The following LUM variants were observed in gnomAD, a reference collection of about 807,000 sequenced individuals.
LUM encodes the protein lumican, also known as KSPG lumican.
In LUM, 13 loss-of-function variants were observed where a neutral mutation model predicts 20.5. The observed-to-expected ratio is 0.63, with a 90% confidence interval of 0.41 to 1.01. LUM has a LOEUF of 1.01. LUM is among the 50% of genes least tolerant of loss of function. LUM has a pLI of 0.00. For synonymous variants in LUM, 173 were observed against 151.5 expected (o/e 1.14, Z -1.04); for missense variants, 321 against 391.1 (o/e 0.82, Z 1.51).
At chr12:91,105,627 A>G (rs1880013308) in intron 2 of LUM, among the ~76,000 whole-genome samples, 1 of 152,230 alleles carries the variant, frequency 6.6e-6, no homozygotes, top group Non-Finnish European at 1.5e-5. Flanking sequence ...ACATAAAAAG[A>G]CAAGGAGAAT....
chr12:91,103,923 T>TA lies in LUM; in HGVS notation c.*241dup, dbSNP rs976320313. 3.5e-5 allele frequency: 12 copies of TA among 344,028 alleles called. No homozygotes were observed. Among genetic ancestry groups the TA allele is most frequent in the Middle Eastern group, 9.0e-4 (1 of 1,116 alleles). The allele number at this position is 344,028 out of a possible 1,614,324, so 21.3% of individuals were successfully genotyped here. A position where few individuals can be genotyped will look rare whatever the true frequency, so the allele number is the denominator to read the frequency against. ...TTTGCACATCATTTGACAGTAGAAA[T>TA]AAAAAAACACTAAATTTACAAATAA... On this transcript the variant is annotated 3_prime_UTR_variant, in exon 3 of 3. Transcript: ENST00000266718.
chr12:91,104,385 A>T (rs1879984477), intron 2 of LUM, 66 bp from the exon 3 acceptor site: 1 of 1,100,040 alleles, frequency 9.1e-7, no homozygotes, highest in South Asian at 1.4e-5. Flanking sequence ...AATACAAAAA[A>T]TTTATGTTTA....
intron 2 of LUM, among the ~76,000 whole-genome samples, chr12:91,106,690 T>TAAAAAAAAAAAAAAAAAAAAAAA (rs374164456): frequency 6.6e-5 from 6 of 90,602 alleles, no homozygotes; most frequent in African/African-American, 2.7e-4. Context: ...ATTTTTCTTC[T>TAAAAAAAAAAAAAAAAAAAAAAA]AAAAAAAAAA....
rs761403563 is a variant in LUM, at chr12:91,108,388, T to C, written c.592A>G (p.Arg198Gly). The C allele has an allele frequency of 6.2e-7, 1 of 1,614,196 alleles. No homozygotes were observed. The highest frequency in any genetic ancestry group is 8.5e-7 in the Non-Finnish European group (1 of 1,180,026). Residue 198 changes from arginine (R) to glycine (G), a missense_variant, in exon 2 of 3, where the codon AGA becomes GGA. Coordinates refer to ENST00000266718, the MANE Select transcript of LUM (RefSeq NM_002345.4). The surrounding 1 kb of genome is among the most constrained non-coding windows in gnomAD (Gnocchi z 4.2). ...GAGACAGGGAGACCAGAAGGCAGTC[T>C]GGCTATCTGATTGAAGCTCAAGTCA... is the stretch of plus-strand genomic sequence containing the variant. Reference protein sequence around the residue: ...YLDLSFNQIARLPSGLPVSLL... With the variant: ...YLDLSFNQIAGLPSGLPVSLL...
At position 91,108,551 on chromosome 12, in the gene LUM, C is replaced by G. The variant is rs1473070111; in HGVS notation, c.429G>C (p.Gln143His). The G allele has an allele frequency of 6.2e-7, 1 of 1,610,992 alleles. No homozygotes were observed. The highest frequency in any genetic ancestry group is 1.7e-5 in the Admixed American group (1 of 59,856). ...GCTTTGTGATCTTGTTATGAGTAAG[C>G]TGCAGATCCTCCAGAGATTTGGGAA... is the stretch of plus-strand genomic sequence containing the variant. ...GPLPKSLEDL[Q>H]LTHNKITKLG... The change falls in exon 2 of 3, where the codon CAG becomes CAC. Residue 143 changes from glutamine to histidine, a missense_variant. Coordinates refer to ENST00000266718, the MANE Select transcript of LUM (RefSeq NM_002345.4). The surrounding 1 kb of genome is among the most constrained non-coding windows in gnomAD (Gnocchi z 4.2).
chr12:91,108,485 A>C lies in LUM; in HGVS notation c.495T>G (p.His165Gln), dbSNP rs1405354136. ...CCTCTTTCAGCCGATTGTGCTGGAG[A>C]TGGATGAAGGTCAGGTTTACCAATC... is the stretch of plus-strand genomic sequence containing the variant. Reference protein sequence around the residue: ...FEGLVNLTFIHLQHNRLKEDA... With the variant: ...FEGLVNLTFIQLQHNRLKEDA... Residue 165 changes from histidine (H) to glutamine (Q), a missense_variant, in exon 2 of 3, where the codon CAT becomes CAG. Coordinates refer to ENST00000266718, the MANE Select transcript of LUM (RefSeq NM_002345.4). The surrounding 1 kb of genome is among the most constrained non-coding windows in gnomAD (Gnocchi z 4.2). 1 of 1,613,988 alleles carries C rather than the reference A, an allele frequency of 6.2e-7. No homozygotes were observed. Among genetic ancestry groups the C allele is most frequent in the Admixed American group, 1.7e-5 (1 of 60,010 alleles).
chr12:91,106,424 C>T (rs1281520243), intron 2 of LUM, among the ~76,000 whole-genome samples: 1 of 151,890 alleles, frequency 6.6e-6, no homozygotes, highest in Non-Finnish European at 1.5e-5. Context: ...TTTTTCTCTT[C>T]TACCAAGCTC....
intron 2 of LUM, among the ~76,000 whole-genome samples, chr12:91,105,875 T>C (rs2121042515): frequency 6.6e-6 from 1 of 152,330 alleles, no homozygotes; most frequent in Non-Finnish European, 1.5e-5. Context: ...CTCTTACGAA[T>C]AATCTCTACC....
At chr12:91,105,933 T>C (rs192984049) in intron 2 of LUM, among the ~76,000 whole-genome samples, 175 of 152,322 alleles carry the variant, frequency 1.1e-3, no homozygotes, top group African/African-American at 4.1e-3. Context: ...GTAAATTCCT[T>C]TAGCATTTTG....
In LUM at chr12:91,108,996, G is replaced by T; in HGVS notation, c.-17C>A. The T allele has an allele frequency of 6.2e-7, 1 of 1,602,922 alleles. No individual in the cohort carries two copies. Among genetic ancestry groups the T allele is most frequent in the South Asian group, 1.1e-5 (1 of 89,570 alleles). On this transcript the variant is annotated 5_prime_UTR_variant, in exon 2 of 3. Transcript: ENST00000266718. The surrounding 1 kb of genome is among the most constrained non-coding windows in gnomAD (Gnocchi z 4.2). Reference sequence around the variant, plus strand: ...TAGACTCATTTTTGGCAAATGGTTTGAATCCTAAATAAAGATGAAACATTT... The same window carrying T: ...TAGACTCATTTTTGGCAAATGGTTTTAATCCTAAATAAAGATGAAACATTT...
chr12:91,104,343 A>G (rs1048584956), intron 2 of LUM, 24 bp from the exon 3 acceptor site: 9 of 1,576,492 alleles, frequency 5.7e-6, no homozygotes, highest in East Asian at 2.3e-5. Flanking sequence ...AATAGAAAAC[A>G]TTAATCATTT....
At position 91,108,554 on chromosome 12, in the gene LUM, C is replaced by T. The variant is rs773762375; in HGVS notation, c.426G>A (p.Leu142=). ...TTGTGATCTTGTTATGAGTAAGCTG[C>T]AGATCCTCCAGAGATTTGGGAAGTG... ...VGPLPKSLED[L]QLTHNKITKL... The change falls in exon 2 of 3, where the codon CTG becomes CTA. Residue 142 remains leucine (L), a synonymous_variant. Transcript: ENST00000266718. This position sits in a 1 kb window ranked among gnomAD's most constrained non-coding sequence, Gnocchi z 4.2. The T allele has an allele frequency of 1.9e-6, 3 of 1,610,752 alleles. No homozygotes were observed. Among genetic ancestry groups the T allele is most frequent in the South Asian group, 2.2e-5 (2 of 90,870 alleles).
chr12:91,107,238 GGAAA>G lies in LUM; in HGVS notation c.862+876_862+879del, dbSNP rs1555188589. On this transcript the variant is annotated intron_variant, in intron 2 of 2. Transcript: ENST00000266718. ...AAGAGAGAAAGAAGAAAGAAAGAAA[GGAAA>G]GAAAGAAAGAAAGAAAGAAAGAAAG... is the stretch of plus-strand genomic sequence containing the variant. Among the ~76,000 whole-genome samples the G allele has an allele frequency of 5.6e-3, 380 of 67,294 alleles. 6 individuals are homozygous for G. Among genetic ancestry groups the G allele is most frequent in the African/African-American group, 9.6e-3 (182 of 19,034 alleles). 44.1% of individuals were successfully genotyped at this position (67,294 alleles called of 152,430 possible).
Position 91,108,353 on chromosome 12 carries a change from A to G in LUM, c.627T>C (p.Thr209=), listed in dbSNP as rs1159908603. 2 of 1,614,180 alleles carry G rather than the reference A, an allele frequency of 1.2e-6. No homozygotes were observed. The highest frequency in any genetic ancestry group is 1.7e-5 in the Admixed American group (1 of 60,024). ...TGATCTTATTGTTGTCTAAGTAGAG[A>G]GTTAGAAGAGAGACAGGGAGACCAG... ...LPSGLPVSLL[T]LYLDNNKISN... The change falls in exon 2 of 3, where the codon ACT becomes ACC. Residue 209 remains threonine, a synonymous_variant. Coordinates refer to ENST00000266718, the MANE Select transcript of LUM (RefSeq NM_002345.4). The surrounding 1 kb of genome is among the most constrained non-coding windows in gnomAD (Gnocchi z 4.2).
chr12:91,109,297 C>T (rs1435050537), intron 1 of LUM, among the ~76,000 whole-genome samples: 1 of 152,002 alleles, frequency 6.6e-6, no homozygotes, highest in East Asian at 1.9e-4. Context: ...AAATGCCTTC[C>T]TGTAAGAGGT....
At chr12:91,105,303 A>C (rs1381711733) in intron 2 of LUM, among the ~76,000 whole-genome samples, 1 of 152,202 alleles carries the variant, frequency 6.6e-6, no homozygotes, top group Non-Finnish European at 1.5e-5. Context: ...GAAATAACAC[A>C]TCTATCTTAC....
In LUM at chr12:91,108,487, G is replaced by A; in HGVS notation, c.493C>T (p.His165Tyr). ...FEGLVNLTFIHLQHNRLKEDA... is the reference protein window; with the variant it reads ...FEGLVNLTFIYLQHNRLKEDA... ...TCTTTCAGCCGATTGTGCTGGAGATGGATGAAGGTCAGGTTTACCAATCCT... is the reference window on the plus strand; with the variant it reads ...TCTTTCAGCCGATTGTGCTGGAGATAGATGAAGGTCAGGTTTACCAATCCT... The change falls in exon 2 of 3, where the codon CAT (histidine) becomes TAT (tyrosine). Residue 165 changes from histidine to tyrosine, a missense_variant. His to Tyr is a moderately conservative substitution (Grantham distance 83, BLOSUM62 2). Transcript: ENST00000266718. This position sits in a 1 kb window ranked among gnomAD's most constrained non-coding sequence, Gnocchi z 4.2. The A allele has an allele frequency of 6.2e-7, 1 of 1,614,016 alleles. No homozygotes were observed. The highest frequency in any genetic ancestry group is 8.5e-7 in the Non-Finnish European group (1 of 1,179,946).
chr12:91,108,603 T>C lies in LUM; in HGVS notation c.377A>G (p.Asn126Ser), dbSNP rs1287499025. 6.2e-7 allele frequency: 1 copy of C among 1,613,166 alleles called. No individual in the cohort carries two copies. The highest frequency in any genetic ancestry group is 8.5e-7 in the Non-Finnish European group (1 of 1,179,556). Residue 126 changes from asparagine to serine, a missense_variant, in exon 2 of 3, where the codon AAC (asparagine) becomes AGC (serine). Physicochemically the swap from Asn to Ser is conservative, Grantham distance 46 (BLOSUM62 1). Coordinates refer to ENST00000266718, the MANE Select transcript of LUM (RefSeq NM_002345.4). This position sits in a 1 kb window ranked among gnomAD's most constrained non-coding sequence, Gnocchi z 4.2. ...TGGGCCCACAGACTCTGTCAGGTTG[T>C]TGTGGTTTATATGCAGCTTCTTCAG... ...KQLKKLHINH[N>S]NLTESVGPLP... is the part of the protein sequence containing the mutation.
At chr12:91,105,253 C>T (rs1448072320) in intron 2 of LUM, among the ~76,000 whole-genome samples, 1 of 152,108 alleles carries the variant, frequency 6.6e-6, no homozygotes, top group Non-Finnish European at 1.5e-5. Flanking sequence ...CTGCCACTTA[C>T]CCAGGTGGGC....
Sources: allele counts gnomAD v4.1 joint callset (sites outside exome capture counted in the v4.1 genomes callset), GRCh38; gene constraint gnomAD v4.1.1; non-coding constraint Gnocchi (gnomAD v3.1); transcripts MANE v1.5; gene names NCBI Gene and HGNC (gene_info 2026-07-23, HGNC 2026-07-21).